The following ZNF623 variants were observed in gnomAD, a reference collection of about 807,000 sequenced individuals.
The protein encoded by ZNF623 is zinc finger protein 623.
ZNF623 carries 16 observed loss-of-function variants against 24.0 expected under a neutral mutation model. The ratio of observed to expected loss-of-function variants is 0.67; its 90% CI spans 0.45 to 1.01. The LOEUF (loss-of-function observed/expected upper bound fraction) is 1.01, where lower values mean the gene tolerates loss of function less well. Ranked by LOEUF, ZNF623 falls within the 50% of genes least tolerant of loss-of-function variation. The pLI, the probability that ZNF623 is intolerant of heterozygous loss-of-function variation, is 0.00. For synonymous variants in ZNF623, 224 were observed against 219.8 expected, an observed-to-expected ratio of 1.02 and a Z score of -0.17; for missense variants, 566 against 606.5, an observed-to-expected ratio of 0.93 and a Z score of 0.70.
chr8:143,649,813 G>C, intron 1 of ZNF623, 85 bp from the exon 2 acceptor site: 1 of 1,513,774 alleles, frequency 6.6e-7, no homozygotes, highest in Non-Finnish European at 8.9e-7. Flanking sequence ...TCCACCTCTT[G>C]GATATGGATT....
In ZNF623 at chr8:143,636,747, TG is replaced by T. The variant is rs367556906; in HGVS notation, c.-96+606del. On this transcript the variant is annotated intron_variant, in intron 1 of 1. Transcript: ENST00000526926. ...GACTTGGACCTGGAGAATTCCCAGA[TG>T]GGGAGAGGTGGTGTGGCTACGCTGT... Among the ~76,000 whole-genome samples, 623 of 152,256 alleles carry T rather than the reference TG, an allele frequency of 4.1e-3. 1 individual carries two copies. Among genetic ancestry groups the T allele is most frequent in the Non-Finnish European group, 5.9e-3 (400 of 68,008 alleles).
In ZNF623 at chr8:143,651,399, C is replaced by G. The variant is rs200298577; in HGVS notation, c.1407C>G (p.His469Gln). 4.3e-6 allele frequency: 7 copies of G among 1,614,008 alleles called. No individual in the cohort carries two copies. The Admixed American group carries it at 1.0e-4, about 23-fold the overall frequency. ...ACGTTAAAAATAATCAAAGGGTTCA[C>G]CAAGAGGGACTCTCCTTGAGTAAGG... Reference protein sequence around the residue: ...TTNVKNNQRVHQEGLSLSKAP... With the variant: ...TTNVKNNQRVQQEGLSLSKAP... Residue 469 changes from histidine to glutamine, a missense_variant, in exon 2 of 2, where the codon CAC (histidine) becomes CAG (glutamine). His to Gln is a conservative substitution (Grantham distance 24). Coordinates refer to ENST00000526926, the MANE Select transcript of ZNF623 (RefSeq NM_001261843.2).
intron 1 of ZNF623, among the ~76,000 whole-genome samples, chr8:143,638,956 G>A (rs532625969): frequency 5.3e-5 from 8 of 151,780 alleles, no homozygotes; most frequent in African/African-American, 1.5e-4. Flanking sequence ...GCAATGGCGC[G>A]ATCTCAGCTC....
At position 143,640,801 on chromosome 8, in the gene ZNF623, C is replaced by T. The variant is rs1473683949; in HGVS notation, c.-96+4656C>T. ...ACTAAAAATACAAAAATTAGCTGGG[C>T]GTGGTGGCGCACTCCTGTAATCCCA... is the stretch of plus-strand genomic sequence containing the variant. On this transcript the variant is annotated intron_variant, in intron 1 of 1. Coordinates refer to ENST00000526926, the MANE Select transcript of ZNF623 (RefSeq NM_001261843.2). Among the ~76,000 whole-genome samples the T allele has an allele frequency of 4.0e-5, 6 of 151,850 alleles. No homozygotes were observed. In the East Asian group the frequency reaches 7.7e-4, roughly 20 times the overall value.
Position 143,650,482 on chromosome 8 carries a change from G to C in ZNF623, c.490G>C (p.Glu164Gln). The C allele has an allele frequency of 6.2e-7, 1 of 1,614,180 alleles. No homozygotes were observed. The highest frequency in any genetic ancestry group is 8.5e-7 in the Non-Finnish European group (1 of 1,180,038). ...LIEHQRVHSG[E>Q]KPFKCAQCGK... The stretch of plus-strand genomic sequence containing the variant: ...TGAGCATCAGCGCGTTCATTCAGGA[G>C]AAAAGCCCTTCAAATGTGCGCAGTG... The change falls in exon 2 of 2, where the codon GAA becomes CAA. Residue 164 changes from glutamate to glutamine, a missense_variant. By Grantham distance (29) the Glu-to-Gln change is conservative. This residue lies in a region of ZNF623 where 313 missense variants were observed against 300.4 expected (regional missense o/e 1.04). Coordinates refer to ENST00000526926, the MANE Select transcript of ZNF623 (RefSeq NM_001261843.2). The surrounding 1 kb of genome is among the most constrained non-coding windows in gnomAD (Gnocchi z 5.2).
In ZNF623 at chr8:143,649,896, A is replaced by T; in HGVS notation, c.-95-2A>T. 1 of 1,602,634 alleles carries T rather than the reference A, an allele frequency of 6.2e-7. No individual in the cohort carries two copies. The highest frequency in any genetic ancestry group is 1.3e-5 in the African/African-American group (1 of 74,668). ...AGATGATTTTGTTGTCTTTTGTTTC[A>T]GATTCTAATGTAGGAACTGGTGAGA... On this transcript the variant is annotated splice_acceptor_variant, in intron 1 of 1. Transcript: ENST00000526926. LOFTEE classifies it low-confidence loss of function (5UTR_SPLICE).
At chr8:143,643,942 A>G (rs1471453284) in intron 1 of ZNF623, among the ~76,000 whole-genome samples, 2 of 152,040 alleles carry the variant, frequency 1.3e-5, no homozygotes, top group African/African-American at 4.8e-5. Context: ...TTCTCCAGCA[A>G]CCTAATTCCC....
At position 143,651,195 on chromosome 8, in the gene ZNF623, C is replaced by G. The variant is rs570483676; in HGVS notation, c.1203C>G (p.Ile401Met). 6.2e-7 allele frequency: 1 copy of G among 1,614,178 alleles called. No individual in the cohort carries two copies. Among genetic ancestry groups the G allele is most frequent in the African/African-American group, 1.3e-5 (1 of 75,034 alleles). ...GTAAAGACTGTGGGAAAGCCTTCATCCAGAGCTCCAAGCTGCTTCTGCACC... is the reference window on the plus strand; with the variant it reads ...GTAAAGACTGTGGGAAAGCCTTCATGCAGAGCTCCAAGCTGCTTCTGCACC... ...FECKDCGKAF[I>M]QSSKLLLHQI... Residue 401 changes from isoleucine (I) to methionine (M), a missense_variant, in exon 2 of 2, where the codon ATC becomes ATG. Transcript: ENST00000526926.
At position 143,649,913 on chromosome 8, in the gene ZNF623, C is replaced by G; in HGVS notation, c.-80C>G. 1 of 1,610,410 alleles carries G rather than the reference C, an allele frequency of 6.2e-7. No individual in the cohort carries two copies. The highest frequency in any genetic ancestry group is 8.5e-7 in the Non-Finnish European group (1 of 1,177,546). On this transcript the variant is annotated 5_prime_UTR_variant, in exon 2 of 2. Coordinates refer to ENST00000526926, the MANE Select transcript of ZNF623 (RefSeq NM_001261843.2). ...TTTGTTTCAGATTCTAATGTAGGAA[C>G]TGGTGAGAAGAAGGTGACTGAAGCC...
At chr8:143,644,829 T>TA (rs11332349) in intron 1 of ZNF623, among the ~76,000 whole-genome samples, 2,452 of 131,224 alleles carry the variant, frequency 0.019, 70 homozygotes, top group African/African-American at 0.064. Flanking sequence ...AGACTATCTT[T>TA]AAAAAAAAAA....
In ZNF623 at chr8:143,650,995, T is replaced by C. The variant is rs1240036819; in HGVS notation, c.1003T>C (p.Tyr335His). The change falls in exon 2 of 2, where the codon TAT becomes CAT. Residue 335 changes from tyrosine (Y) to histidine (H), a missense_variant. Tyr to His is a moderately conservative substitution (Grantham distance 83). Coordinates refer to ENST00000526926, the MANE Select transcript of ZNF623 (RefSeq NM_001261843.2). This position sits in a 1 kb window ranked among gnomAD's most constrained non-coding sequence, Gnocchi z 5.2. ...HQRIHTGEKL[Y>H]ECNECGKAFF... ...GAGAATTCACACTGGAGAGAAACTC[T>C]ATGAATGTAACGAGTGTGGGAAAGC... is the stretch of plus-strand genomic sequence containing the variant. 1 of 1,614,086 alleles carries C rather than the reference T, an allele frequency of 6.2e-7. No individual in the cohort carries two copies. The highest frequency in any genetic ancestry group is 8.5e-7 in the Non-Finnish European group (1 of 1,180,040).
chr8:143,637,536 ATATTTATT>A (rs72024244), intron 1 of ZNF623, among the ~76,000 whole-genome samples: 71,090 of 150,756 alleles, frequency 0.47, 20,650 homozygotes, highest in Non-Finnish European at 0.66. Flanking sequence ...ATTTCAAGTG[ATATTTATT>A]TATTTATTTA....
intron 1 of ZNF623, among the ~76,000 whole-genome samples, chr8:143,639,160 G>C (rs1023461884): frequency 6.6e-6 from 1 of 151,578 alleles, no homozygotes; most frequent in African/African-American, 2.4e-5. Flanking sequence ...CCAAAGTGCT[G>C]GGATTACAGG....
chr8:143,651,733 C>T lies in ZNF623; in HGVS notation c.*250C>T. On this transcript the variant is annotated 3_prime_UTR_variant, in exon 2 of 2. Transcript: ENST00000526926. ...TGGAACAGTAGGGGCAGGGAGAAGA[C>T]AGGTCTCAAGAAAAGGTTTTTAAGA... 1 of 454,268 alleles carries T rather than the reference C, an allele frequency of 2.2e-6. No homozygotes were observed. The highest frequency in any genetic ancestry group is 4.0e-6 in the Non-Finnish European group (1 of 250,136). The allele number at this position is 454,268 out of a possible 1,614,324, so 28.1% of individuals were successfully genotyped here. A position where few individuals can be genotyped will look rare whatever the true frequency, so the allele number is the denominator to read the frequency against.
At chr8:143,641,463 TTTTTC>T (rs1815054747) in intron 1 of ZNF623, among the ~76,000 whole-genome samples, 1 of 5,306 alleles carries the variant, frequency 1.9e-4, no homozygotes, top group African/African-American at 2.0e-4. Flanking sequence ...TTTTTTTTTT[TTTTTC>T]TTTTTTTTTT....
chr8:143,649,188 G>A (rs1383657747), intron 1 of ZNF623, among the ~76,000 whole-genome samples: 1 of 151,632 alleles, frequency 6.6e-6, no homozygotes, highest in East Asian at 1.9e-4. Flanking sequence ...TGAGGCAGGA[G>A]AATGGTGTGA....
chr8:143,646,538 G>GGTATGTGT (rs879847250), intron 1 of ZNF623, among the ~76,000 whole-genome samples: 1 of 122,918 alleles, frequency 8.1e-6, no homozygotes, highest in South Asian at 2.8e-4. Flanking sequence ...TTGCCTGTGG[G>GGTATGTGT]GTGTGTGCGT....
chr8:143,649,731 C>T (rs1815250482), intron 1 of ZNF623, 167 bp from the exon 2 acceptor site: 2 of 766,362 alleles, frequency 2.6e-6, no homozygotes, highest in South Asian at 3.8e-5. Flanking sequence ...TTATGTGGGA[C>T]AGGCTTGGGT....
intron 1 of ZNF623, among the ~76,000 whole-genome samples, chr8:143,636,962 C>G (rs1418992314): frequency 6.6e-6 from 1 of 152,144 alleles, no homozygotes; most frequent in East Asian, 1.9e-4. Context: ...TGAAGCAGCT[C>G]AGGGAGCTGC....
Sources: gnomAD v4.1 joint callset for allele counts (sites outside exome capture counted in the v4.1 genomes callset) on GRCh38, gnomAD v4.1.1 for gene constraint, gnomAD v4.1.1 regional missense constraint, Gnocchi (gnomAD v3.1) non-coding constraint, MANE v1.5 for transcripts, NCBI Gene and HGNC (gene_info 2026-07-23, HGNC 2026-07-21) for gene names.